RBM4: variants seen among roughly 807,000 people sequenced by gnomAD.
RBM4 encodes RNA-binding protein 4.
A neutral mutation model predicts 29.5 loss-of-function variants in RBM4; 7 were observed. That is an observed-to-expected ratio of 0.24 (90% CI 0.14 to 0.45). RBM4 has a LOEUF of 0.45. RBM4 is among the 20% of genes least tolerant of loss of function. RBM4 has a pLI of 1.00. For synonymous variants in RBM4, 220 were observed against 205.4 expected, an observed-to-expected ratio of 1.07 and a Z score of -0.61; for missense variants, 387 against 502.3, an observed-to-expected ratio of 0.77 and a Z score of 2.19.
intron 2 of RBM4, among the ~76,000 whole-genome samples, chr11:66,654,840 T>C (rs1938911637): frequency 1.3e-5 from 2 of 152,032 alleles, no homozygotes; most frequent in South Asian, 4.2e-4. Context: ...CTTTTTATTT[T>C]TTGAGATGGA....
exon 3 of RBM4, chr11:66,666,469 TA>T: frequency 1.0e-6 from 1 of 986,400 alleles, no homozygotes; most frequent in South Asian, 4.7e-5. Context: ...AACTCAGGGT[TA>T]TTCAGTCCAT....
Position 66,643,683 on chromosome 11 carries a change from G to A in RBM4, c.646G>A (p.Gly216Arg), listed in dbSNP as rs766801415. Residue 216 changes from glycine (G) to arginine (R), a missense_variant, in exon 3 of 4, where the codon GGA becomes AGA. This residue lies in a region of RBM4 where 281 missense variants were observed against 288.7 expected (regional missense o/e 0.97). Coordinates refer to ENST00000310092, the MANE Select transcript of RBM4 (RefSeq NM_002896.4). The surrounding 1 kb of genome is among the most constrained non-coding windows in gnomAD (Gnocchi z 6.1). ...TTCATTGTATTACAACAACGCGTACGGAGCGCTCGATGCCTACTACAAGCG... is the reference window on the plus strand; with the variant it reads ...TTCATTGTATTACAACAACGCGTACAGAGCGCTCGATGCCTACTACAAGCG... Reference protein sequence around the residue: ...GDSLYYNNAYGALDAYYKRCR... With the variant: ...GDSLYYNNAYRALDAYYKRCR... 1.9e-5 allele frequency: 31 copies of A among 1,613,996 alleles called. No homozygotes were observed. In the Admixed American group the frequency reaches 4.8e-4, roughly 25 times the overall value.
chr11:66,666,104 T>C, exon 3 of RBM4: 2 of 830,014 alleles, frequency 2.4e-6, no homozygotes, highest in Non-Finnish European at 3.6e-6. Flanking sequence ...CCAACACACC[T>C]ACATGTCACA....
chr11:66,643,972 G>A lies in RBM4; in HGVS notation c.935G>A (p.Arg312His), dbSNP rs1309000009. The change falls in exon 3 of 4, where the codon CGT (arginine) becomes CAT (histidine). Residue 312 changes from arginine (R) to histidine (H), a missense_variant. Transcript: ENST00000310092. The surrounding 1 kb of genome is among the most constrained non-coding windows in gnomAD (Gnocchi z 6.1). Reference sequence around the variant, plus strand: ...TACGGGCGGGATCGGAGCCCCCTGCGTCGCGCTACAGCCCCAGTCCCCACT... The same window carrying A: ...TACGGGCGGGATCGGAGCCCCCTGCATCGCGCTACAGCCCCAGTCCCCACT... ...SYYGRDRSPLRRATAPVPTVG... is the reference protein window; with the variant it reads ...SYYGRDRSPLHRATAPVPTVG... 2.1e-5 allele frequency: 34 copies of A among 1,612,998 alleles called. No individual in the cohort carries two copies. Among genetic ancestry groups the A allele is most frequent in the Non-Finnish European group, 2.6e-5 (31 of 1,180,010 alleles).
exon 3 of RBM4, chr11:66,666,478 C>A (rs1383892770): frequency 1.0e-6 from 1 of 984,948 alleles, no homozygotes; most frequent in Non-Finnish European, 1.2e-6. Flanking sequence ...TTATTCAGTC[C>A]ATTTGAGGTT....
intron 2 of RBM4, among the ~76,000 whole-genome samples, chr11:66,657,565 C>T (rs1220018221): frequency 6.6e-6 from 1 of 151,324 alleles, no homozygotes; most frequent in Non-Finnish European, 1.5e-5. Context: ...CACCTGTAGT[C>T]CCAGCTACTT....
At chr11:66,641,454 A>T (rs1938460417) in intron 2 of RBM4, among the ~76,000 whole-genome samples, 1 of 152,108 alleles carries the variant, frequency 6.6e-6, no homozygotes. Context: ...CTTTTTTTTA[A>T]TTGGCAAGTT....
downstream of RBM4, chr11:66,649,734 A>G: frequency 2.9e-6 from 2 of 701,648 alleles, no homozygotes; most frequent in East Asian, 2.7e-5. Flanking sequence ...TTTGTTTTTT[A>G]GACATCCAGC....
At chr11:66,658,336 CCTTT>C (rs1489123317) in intron 2 of RBM4, among the ~76,000 whole-genome samples, 4 of 41,840 alleles carry the variant, frequency 9.6e-5, no homozygotes, top group Non-Finnish European at 1.9e-4. Flanking sequence ...CCTAGTCTGA[CCTTT>C]TTTTTTTTTT....
chr11:66,640,092 C>T lies in RBM4; in HGVS notation c.381C>T (p.Ala127=). ...HMERAEDAVE[A]IRGLDNTEFQ... ...AGCGGGCAGAGGATGCAGTGGAGGC[C>T]ATCAGGGGCCTTGATAACACAGAGT... Residue 127 remains alanine, a synonymous_variant, in exon 2 of 4, where the codon GCC becomes GCT. Transcript: ENST00000310092. 6.2e-7 allele frequency: 1 copy of T among 1,614,128 alleles called. No homozygotes were observed. The highest frequency in any genetic ancestry group is 8.5e-7 in the Non-Finnish European group (1 of 1,180,022).
At position 66,644,024 on chromosome 11, in the gene RBM4, T is replaced by C; in HGVS notation, c.987T>C (p.His329=). The change falls in exon 3 of 4, where the codon CAT becomes CAC. Residue 329 remains histidine (H), a synonymous_variant. Coordinates refer to ENST00000310092, the MANE Select transcript of RBM4 (RefSeq NM_002896.4). The part of the protein sequence containing the change: ...PTVGEGYGYG[H]ESELSQASAA... ...TTGGAGAGGGCTACGGTTACGGGCA[T>C]GAGAGTGAGTTGTCCCAAGCTTCAG... 1.9e-6 allele frequency: 3 copies of C among 1,613,552 alleles called. No homozygotes were observed. The highest frequency in any genetic ancestry group is 2.2e-5 in the East Asian group (1 of 44,856).
At chr11:66,653,805 CTCTTTTTTTTTT>C (rs1007240342) in intron 2 of RBM4, among the ~76,000 whole-genome samples, 8 of 151,230 alleles carry the variant, frequency 5.3e-5, no homozygotes, top group African/African-American at 1.2e-4. Context: ...TTTCTTTTTT[CTCTTTTTTTTTT>C]TCTTTTTTTT....
chr11:66,663,351 G>C, intron 2 of RBM4, among the ~76,000 whole-genome samples: 1 of 152,114 alleles, frequency 6.6e-6, no homozygotes, highest in Admixed American at 6.6e-5. Context: ...TCTTTTAATA[G>C]CTCATAAGTG....
chr11:66,640,456 A>C (rs1409034035), intron 2 of RBM4: 3 of 479,956 alleles, frequency 6.3e-6, no homozygotes, highest in Non-Finnish European at 1.1e-5. Context: ...CACAGTTCAG[A>C]GTTCCTCACT....
In RBM4 at chr11:66,643,699, A is replaced by G. The variant is rs758544167; in HGVS notation, c.662A>G (p.Tyr221Cys). 1.2e-6 allele frequency: 2 copies of G among 1,614,162 alleles called. No homozygotes were observed. The highest frequency in any genetic ancestry group is 1.7e-6 in the Non-Finnish European group (2 of 1,180,032). ...YNNAYGALDA[Y>C]YKRCRAARSY... ...AACGCGTACGGAGCGCTCGATGCCTACTACAAGCGCTGCCGTGCTGCCCGG... is the reference window on the plus strand; with the variant it reads ...AACGCGTACGGAGCGCTCGATGCCTGCTACAAGCGCTGCCGTGCTGCCCGG... Residue 221 changes from tyrosine to cysteine, a missense_variant, in exon 3 of 4, where the codon TAC becomes TGC. By Grantham distance (194) the Tyr-to-Cys change is radical. This residue lies in a region of RBM4 where 281 missense variants were observed against 288.7 expected (regional missense o/e 0.97). Coordinates refer to ENST00000310092, the MANE Select transcript of RBM4 (RefSeq NM_002896.4). This position sits in a 1 kb window ranked among gnomAD's most constrained non-coding sequence, Gnocchi z 6.1.
intron 3 of RBM4, 75 bp from the exon 4 acceptor site, chr11:66,645,952 A>G: frequency 6.5e-7 from 1 of 1,535,224 alleles, no homozygotes; most frequent in South Asian, 1.2e-5. Flanking sequence ...CAGACTTTGT[A>G]AAGATGTTGA....
intron 2 of RBM4, among the ~76,000 whole-genome samples, chr11:66,663,514 G>A (rs577032555): frequency 3.6e-4 from 55 of 152,038 alleles, no homozygotes; most frequent in Non-Finnish European, 6.2e-4. Context: ...ACAGGCGCCC[G>A]CCACCACATC....
chr11:66,651,335 A>G (rs1274632201), downstream of RBM4, among the ~76,000 whole-genome samples: 2 of 151,620 alleles, frequency 1.3e-5, no homozygotes, highest in Non-Finnish European at 2.9e-5. Context: ...TCCAGGTTGT[A>G]GCAAGAGAAA....
Position 66,643,564 on chromosome 11 carries a change from C to T in RBM4, c.527C>T (p.Pro176Leu), listed in dbSNP as rs776581971. 6 of 1,613,840 alleles carry T rather than the reference C, an allele frequency of 3.7e-6. No individual in the cohort carries two copies. The highest frequency in any genetic ancestry group is 1.3e-5 in the African/African-American group (1 of 74,828). ...GAGGGGCACTGGTCCAAAGAGTGTCCGATAGATCGTTCAGGCCGCGTGGCA... is the reference window on the plus strand; with the variant it reads ...GAGGGGCACTGGTCCAAAGAGTGTCTGATAGATCGTTCAGGCCGCGTGGCA... ...GKEGHWSKEC[P>L]IDRSGRVADL... is the part of the protein sequence containing the mutation. Residue 176 changes from proline (P) to leucine (L), a missense_variant, in exon 3 of 4, where the codon CCG becomes CTG. Pro to Leu is a moderately conservative substitution (Grantham distance 98, BLOSUM62 -3). Transcript: ENST00000310092. This position sits in a 1 kb window ranked among gnomAD's most constrained non-coding sequence, Gnocchi z 6.1.
Sources: allele counts gnomAD v4.1 joint callset (sites outside exome capture counted in the v4.1 genomes callset), GRCh38; gene constraint gnomAD v4.1.1; regional missense constraint gnomAD v4.1.1; non-coding constraint Gnocchi (gnomAD v3.1); transcripts MANE v1.5; gene names NCBI Gene and HGNC (gene_info 2026-07-23, HGNC 2026-07-21).